Variants in CFAP141 observed in about 807,000 individuals in gnomAD.
CFAP141 encodes cilia- and flagella-associated protein 141.
chr1:154,205,602 C>G, the CFAP141 span: 1 of 1,613,896 alleles, frequency 6.2e-7, no homozygotes. Flanking sequence ...GATTACCTGT[C>G]GACCGTCTTC....
chr1:154,202,586 G>A, the CFAP141 span, among the ~76,000 whole-genome samples: 1 of 146,936 alleles, frequency 6.8e-6, no homozygotes, highest in East Asian at 2.1e-4. Flanking sequence ...AGATCACGAG[G>A]TCAGGAGATC....
chr1:154,206,032 T>TG, the CFAP141 span, among the ~76,000 whole-genome samples: 1 of 152,030 alleles, frequency 6.6e-6, no homozygotes, highest in Non-Finnish European at 1.5e-5. Flanking sequence ...AGCAATTTCC[T>TG]GGGGGGAAAT....
At chr1:154,203,669 G>A in the CFAP141 span, among the ~76,000 whole-genome samples, 1 of 151,852 alleles carries the variant, frequency 6.6e-6, no homozygotes, top group Non-Finnish European at 1.5e-5. Flanking sequence ...CCTCTGCCTT[G>A]GTCTCCCAAA....
the CFAP141 span, among the ~76,000 whole-genome samples, chr1:154,205,803 C>G: frequency 6.6e-6 from 1 of 152,008 alleles, no homozygotes; most frequent in African/African-American, 2.4e-5. Context: ...CTCCCGGGTT[C>G]AAGCGATTCT....
At chr1:154,205,725 A>G in the CFAP141 span, 6 of 1,278,032 alleles carry the variant, frequency 4.7e-6, no homozygotes, top group Non-Finnish European at 6.8e-6. Context: ...TTTTTTTGAG[A>G]CAGAGTTTTG....
chr1:154,200,497 C>A, the CFAP141 span: 16 of 1,614,196 alleles, frequency 9.9e-6, 1 homozygote, highest in South Asian at 1.8e-4. Flanking sequence ...AATTCCTGTA[C>A]CATGGTGTCC....
At chr1:154,200,524 CA>C in the CFAP141 span, 1 of 1,614,156 alleles carries the variant, frequency 6.2e-7, no homozygotes, top group East Asian at 2.2e-5. Flanking sequence ...CTTAGGGTGG[CA>C]TACGGGTTTC....
chr1:154,205,695 TGA>T, the CFAP141 span: 27 of 1,521,862 alleles, frequency 1.8e-5, no homozygotes, highest in South Asian at 1.2e-4. Context: ...TCTATTCTAA[TGA>T]GAGACATAGA....
the CFAP141 span, among the ~76,000 whole-genome samples, chr1:154,202,343 T>A: frequency 6.6e-6 from 1 of 152,156 alleles, no homozygotes; most frequent in East Asian, 1.9e-4. Flanking sequence ...CCCAAAGTGC[T>A]GGGATTACAG....
At chr1:154,204,071 A>G in the CFAP141 span, among the ~76,000 whole-genome samples, 2 of 152,084 alleles carry the variant, frequency 1.3e-5, no homozygotes, top group African/African-American at 4.8e-5. Flanking sequence ...AGCATGGGCA[A>G]CAAGAGCGAA....
the CFAP141 span, chr1:154,206,182 A>G: frequency 8.2e-7 from 1 of 1,218,418 alleles, no homozygotes; most frequent in Non-Finnish European, 1.2e-6. Flanking sequence ...TTGTTACATC[A>G]AAAGCCTTTC....
At chr1:154,199,381 G>C in the CFAP141 span, 1 of 1,330,858 alleles carries the variant, frequency 7.5e-7, no homozygotes, top group South Asian at 1.3e-5. Flanking sequence ...TAGAAGGCTA[G>C]GTTAGCAGGC....
the CFAP141 span, chr1:154,199,336 T>C: frequency 2.6e-6 from 2 of 765,236 alleles, no homozygotes; most frequent in African/African-American, 1.8e-5. Context: ...GATCCAGGTA[T>C]GTTTTGGGAA....
the CFAP141 span, among the ~76,000 whole-genome samples, chr1:154,204,023 G>A: frequency 7.2e-5 from 11 of 152,084 alleles, no homozygotes; most frequent in African/African-American, 1.7e-4. Flanking sequence ...CCCAGGAGGC[G>A]GAGGTTGCAG....
At chr1:154,202,413 A>T in the CFAP141 span, among the ~76,000 whole-genome samples, 1 of 152,218 alleles carries the variant, frequency 6.6e-6, no homozygotes, top group Admixed American at 6.6e-5. Context: ...GAATATAAAT[A>T]TACATCATGC....
the CFAP141 span, among the ~76,000 whole-genome samples, chr1:154,202,383 A>C: frequency 6.6e-6 from 1 of 152,190 alleles, no homozygotes; most frequent in East Asian, 1.9e-4. Flanking sequence ...GCCAGTTTTA[A>C]GTTTTTTAAT....
At chr1:154,204,303 T>C in the CFAP141 span, among the ~76,000 whole-genome samples, 1 of 152,184 alleles carries the variant, frequency 6.6e-6, no homozygotes, top group African/African-American at 2.4e-5. Flanking sequence ...AAATCATATA[T>C]GTTCTTGTTT....
chr1:154,202,572 G>A, the CFAP141 span, among the ~76,000 whole-genome samples: 11 of 151,944 alleles, frequency 7.2e-5, no homozygotes, highest in Admixed American at 2.0e-4. Context: ...AGGCCCAGGC[G>A]GGCAGATCAC....
chr1:154,206,254 C>T, the CFAP141 span: 1 of 1,612,938 alleles, frequency 6.2e-7, no homozygotes, highest in Non-Finnish European at 8.5e-7. Context: ...CAACCCAGCC[C>T]CTCCTTCCAA....
Sources: gnomAD v4.1 joint callset for allele counts (sites outside exome capture counted in the v4.1 genomes callset) on GRCh38, gnomAD v4.1.1 for gene constraint, MANE v1.5 for transcripts, NCBI Gene and HGNC (gene_info 2026-07-23, HGNC 2026-07-21) for gene names.